Variants in CLHC1 observed in about 807,000 individuals in gnomAD.
CLHC1 encodes the protein clathrin heavy chain linker domain-containing protein 1.
In CLHC1, 72 loss-of-function variants were observed where a neutral mutation model predicts 69.5. That is an observed-to-expected ratio of 1.04 (90% confidence interval 0.86 to 1.26). The LOEUF (loss-of-function observed/expected upper bound fraction) is 1.26. Among genes scored for constraint, CLHC1 ranks in the 50% most tolerant of loss-of-function variants. CLHC1 has a pLI of 0.00. For missense variants in CLHC1, 790 were observed against 679.3 expected (o/e 1.16, Z -1.81); for synonymous variants, 223 against 224.3 (o/e 0.99, Z 0.05).
chr2:55,173,577 T>C lies in CLHC1; in HGVS notation c.*2213A>G, dbSNP rs1349146169. On this transcript the variant is annotated 3_prime_UTR_variant, in exon 13 of 13. Coordinates refer to ENST00000401408, the MANE Select transcript of CLHC1 (RefSeq NM_152385.4). ...AAAAGGACACATAGCTAGACAGTGG[T>C]GGGGCTGGTCTAGAATGCAGGTTTC... 1.6e-4 allele frequency among the ~76,000 whole-genome samples: 24 copies of C among 152,192 alleles called. No individual in the cohort carries two copies. The highest frequency in any genetic ancestry group is 1.6e-3 in the Admixed American group (24 of 15,264).
intron 9 of CLHC1, among the ~76,000 whole-genome samples, chr2:55,190,285 G>T: frequency 6.6e-6 from 1 of 151,872 alleles, no homozygotes; most frequent in East Asian, 1.9e-4. Context: ...CTGACCTCGT[G>T]ATCCACCTGC....
At chr2:55,228,290 G>A (rs1674912007) in intron 1 of CLHC1, 86 bp from the exon 2 acceptor site, 1 of 152,238 alleles carries the variant, frequency 6.6e-6, no homozygotes, top group Non-Finnish European at 1.5e-5. Flanking sequence ...GCATAATGCA[G>A]TTTCTAGCAG....
chr2:55,217,723 C>A, intron 4 of CLHC1, 88 bp downstream of exon 4: 3 of 776,686 alleles, frequency 3.9e-6, no homozygotes, highest in South Asian at 6.1e-5. Context: ...TTCAATAAGA[C>A]TAAGAACCAC....
chr2:55,208,028 T>C (rs2118284), intron 8 of CLHC1, among the ~76,000 whole-genome samples: 38,632 of 152,022 alleles, frequency 0.25, 5,337 homozygotes, highest in African/African-American at 0.36. Context: ...GCCTCCTTAA[T>C]AAGTCAGGGG....
Position 55,186,750 on chromosome 2 carries a change from G to A in CLHC1, c.1007-5006C>T, listed in dbSNP as rs1670451870. Among the ~76,000 whole-genome samples the A allele has an allele frequency of 2.0e-5, 3 of 151,976 alleles. No individual in the cohort carries two copies. In the South Asian group the frequency reaches 6.2e-4, roughly 32 times the overall value. The stretch of plus-strand genomic sequence containing the variant: ...TGGTCACACCACTGCACTCCCACCT[G>A]GATGACAGAGTGAGACCCTGTCTCA... On this transcript the variant is annotated intron_variant, in intron 9 of 12. Coordinates refer to ENST00000401408, the MANE Select transcript of CLHC1 (RefSeq NM_152385.4).
chr2:55,207,817 A>G (rs1672592434), intron 8 of CLHC1, among the ~76,000 whole-genome samples: 1 of 152,212 alleles, frequency 6.6e-6, no homozygotes, highest in South Asian at 2.1e-4. Flanking sequence ...TGAAGTAAAT[A>G]CGGCAAAATG....
intron 9 of CLHC1, among the ~76,000 whole-genome samples, chr2:55,187,351 G>A (rs537020899): frequency 3.3e-5 from 5 of 151,728 alleles, no homozygotes; most frequent in East Asian, 1.9e-4. Flanking sequence ...GGTGGCTCAC[G>A]CTTGTAATCC....
At chr2:55,227,605 G>T (rs1373512182) in intron 2 of CLHC1, among the ~76,000 whole-genome samples, 1 of 151,190 alleles carries the variant, frequency 6.6e-6, no homozygotes, top group Non-Finnish European at 1.5e-5. Flanking sequence ...TTGAACCCAG[G>T]AGGTGGAGGT....
At chr2:55,179,765 C>CAATTGT (rs1491091740) in intron 11 of CLHC1, among the ~76,000 whole-genome samples, 2 of 152,060 alleles carry the variant, frequency 1.3e-5, no homozygotes, top group Non-Finnish European at 2.9e-5. Flanking sequence ...GATTACCGTT[C>CAATTGT]AATTGTAATC....
intron 5 of CLHC1, among the ~76,000 whole-genome samples, chr2:55,210,123 G>A (rs1197874532): frequency 6.6e-6 from 1 of 152,140 alleles, no homozygotes; most frequent in Non-Finnish European, 1.5e-5. Context: ...GCCTCCCAAA[G>A]TGCTGGGATT....
At chr2:55,214,019 G>A (rs897104617) in intron 4 of CLHC1, among the ~76,000 whole-genome samples, 10 of 152,136 alleles carry the variant, frequency 6.6e-5, no homozygotes, top group African/African-American at 2.4e-4. Context: ...GATGGTTGGG[G>A]GATCACATGT....
chr2:55,218,180 G>A (rs1673766158), intron 3 of CLHC1, 182 bp from the exon 4 acceptor site: 2 of 407,626 alleles, frequency 4.9e-6, no homozygotes, highest in Non-Finnish European at 8.6e-6. Flanking sequence ...CTAAACATGT[G>A]CTCTTTGTGG....
intron 4 of CLHC1, chr2:55,215,843 T>C (rs546918759): frequency 6.6e-6 from 1 of 152,342 alleles, no homozygotes; most frequent in South Asian, 2.1e-4. Context: ...TTTGACTTTC[T>C]GATGCTTTTC....
intron 2 of CLHC1, chr2:55,224,535 C>A: frequency 3.4e-6 from 1 of 291,244 alleles, no homozygotes; most frequent in South Asian, 3.0e-5. Flanking sequence ...TGAGAAGTCC[C>A]TGAGCATCTG....
intron 9 of CLHC1, among the ~76,000 whole-genome samples, chr2:55,188,557 G>A (rs1670629457): frequency 6.6e-6 from 1 of 151,976 alleles, no homozygotes; most frequent in Non-Finnish European, 1.5e-5. Context: ...TTCAAAAGCT[G>A]AAGATATGCA....
chr2:55,206,712 C>T (rs1201605271), intron 8 of CLHC1: 1 of 230,404 alleles, frequency 4.3e-6, no homozygotes, highest in African/African-American at 2.3e-5. Context: ...AGATTTTTTT[C>T]CCTGCATATC....
At chr2:55,206,840 T>C (rs2864818) in intron 8 of CLHC1, 61,315 of 158,408 alleles carry the variant, frequency 0.39, 14,154 homozygotes, top group East Asian at 0.51. Context: ...GGCATGGTGG[T>C]TCATGCCTGT....
intron 9 of CLHC1, among the ~76,000 whole-genome samples, chr2:55,185,341 C>T (rs936522887): frequency 7.2e-5 from 11 of 152,110 alleles, no homozygotes; most frequent in African/African-American, 2.7e-4. Flanking sequence ...ATTTAAAAAG[C>T]TATTCCTCAC....
intron 4 of CLHC1, among the ~76,000 whole-genome samples, chr2:55,217,552 A>AAAAAATAAATACATATATAT (rs1673677786): frequency 2.3e-5 from 1 of 43,156 alleles, no homozygotes; most frequent in African/African-American, 1.2e-4. Flanking sequence ...AAAAAAAAAA[A>AAAAAATAAATACATATATAT]ATATATATAT....
Sources: gnomAD v4.1 joint callset for allele counts (sites outside exome capture counted in the v4.1 genomes callset) on GRCh38, gnomAD v4.1.1 for gene constraint, MANE v1.5 for transcripts, NCBI Gene and HGNC (gene_info 2026-07-23, HGNC 2026-07-21) for gene names.